PIP5K1B: variants seen among roughly 807,000 people sequenced by gnomAD.
PIP5K1B encodes the protein phosphatidylinositol 4-phosphate 5-kinase type-1 beta.
In PIP5K1B, 42 loss-of-function variants were observed where a neutral mutation model predicts 67.0. The ratio of observed to expected loss-of-function variants is 0.63; its 90% CI spans 0.49 to 0.81. The LOEUF (loss-of-function observed/expected upper bound fraction) is 0.81. Among genes scored for constraint, PIP5K1B ranks in the 30% least tolerant of loss-of-function variants. The pLI is 0.00. For missense variants in PIP5K1B, 459 were observed against 646.3 expected, an observed-to-expected ratio of 0.71 and a Z score of 3.14; for synonymous variants, 214 against 231.4, an observed-to-expected ratio of 0.92 and a Z score of 0.68.
intron 9 of PIP5K1B, among the ~76,000 whole-genome samples, chr9:68,919,080 A>G (rs1826241289): frequency 6.6e-6 from 1 of 152,192 alleles, no homozygotes; most frequent in Admixed American, 6.5e-5. Flanking sequence ...TTTATTTTTA[A>G]AAGTAAACAT....
At chr9:68,947,413 TC>T (rs1226290857) in intron 14 of PIP5K1B, among the ~76,000 whole-genome samples, 1 of 152,178 alleles carries the variant, frequency 6.6e-6, no homozygotes, top group Non-Finnish European at 1.5e-5. Flanking sequence ...GCAGCTTCTG[TC>T]CTCCTGCCAC....
intron 2 of PIP5K1B, among the ~76,000 whole-genome samples, chr9:68,749,974 C>A (rs982234745): frequency 6.6e-6 from 1 of 152,240 alleles, no homozygotes; most frequent in African/African-American, 2.4e-5. Context: ...GTTAGGCACC[C>A]TCTCTGAGCC....
At chr9:68,943,635 G>C (rs919654572) in intron 14 of PIP5K1B, among the ~76,000 whole-genome samples, 30 of 151,276 alleles carry the variant, frequency 2.0e-4, no homozygotes, top group Non-Finnish European at 4.1e-4. Flanking sequence ...AATCCAGAGA[G>C]CCTGGAAAGA....
At chr9:68,839,403 T>A (rs1030384446) in intron 4 of PIP5K1B, among the ~76,000 whole-genome samples, 2 of 152,078 alleles carry the variant, frequency 1.3e-5, no homozygotes, top group African/African-American at 4.8e-5. Flanking sequence ...GAGAAGAAGG[T>A]AAAGAGTGGG....
chr9:68,801,345 A>G (rs2131981918), intron 2 of PIP5K1B, among the ~76,000 whole-genome samples: 1 of 152,328 alleles, frequency 6.6e-6, no homozygotes, highest in South Asian at 2.1e-4. Context: ...TGGATTGCTA[A>G]TAATCACAAC....
At chr9:68,896,610 A>T (rs1825097242) in intron 8 of PIP5K1B, among the ~76,000 whole-genome samples, 1 of 152,210 alleles carries the variant, frequency 6.6e-6, no homozygotes, top group African/African-American at 2.4e-5. Context: ...GATCCTGGAC[A>T]TTCTTCAAAA....
rs1192768047 is a variant in PIP5K1B, at chr9:68,851,424, T to C, written c.70-12413T>C. 2.0e-5 allele frequency among the ~76,000 whole-genome samples: 3 copies of C among 152,236 alleles called. No homozygotes were observed. The East Asian group carries it at 5.8e-4, about 29-fold the overall frequency. On this transcript the variant is annotated intron_variant, in intron 4 of 15. Coordinates refer to ENST00000265382, the MANE Select transcript of PIP5K1B (RefSeq NM_003558.4). ...CGTGCCAGCCTAGGGAAGGCCATCA[T>C]TTAATGGAACTCCAGTATTCTTATT...
intron 12 of PIP5K1B, 76 bp from the exon 13 acceptor site, chr9:68,934,814 A>C: frequency 9.9e-7 from 1 of 1,007,556 alleles, no homozygotes; most frequent in Non-Finnish European, 1.4e-6. Context: ...TAAATAATAA[A>C]ATATTCACTT....
At chr9:68,763,552 G>T (rs888085785) in intron 2 of PIP5K1B, among the ~76,000 whole-genome samples, 21 of 152,050 alleles carry the variant, frequency 1.4e-4, no homozygotes, top group Non-Finnish European at 2.8e-4. Context: ...CAGATTCTGT[G>T]CTAAGGAGTT....
At chr9:68,905,416 T>G (rs553067371) in intron 8 of PIP5K1B, among the ~76,000 whole-genome samples, 15 of 150,834 alleles carry the variant, frequency 9.9e-5, no homozygotes, top group Admixed American at 3.3e-4. Flanking sequence ...AGGGCAGAGT[T>G]GCCAACAGCC....
rs551054460 is a variant in PIP5K1B at position 68,918,095 on chromosome 9, A to ATTT, written c.983+346_983+348dup. On this transcript the variant is annotated intron_variant, in intron 9 of 15. Transcript: ENST00000265382. The stretch of plus-strand genomic sequence containing the variant: ...AACATGTTTTATTGTTTATTTATTT[A>ATTT]TTTTTTTTTTTTGAGACAGAGTCTC... Among the ~76,000 whole-genome samples the ATTT allele has an allele frequency of 1.7e-3, 243 of 143,152 alleles. 2 individuals carry two copies. Among genetic ancestry groups the ATTT allele is most frequent in the Non-Finnish European group, 1.9e-3 (128 of 66,728 alleles). 93.9% of individuals were successfully genotyped at this position (143,152 alleles called of 152,430 possible). A position where few individuals can be genotyped will look rare whatever the true frequency, so the allele number is the denominator to read the frequency against.
chr9:68,839,530 A>G (rs573023033), intron 4 of PIP5K1B, among the ~76,000 whole-genome samples: 2 of 152,280 alleles, frequency 1.3e-5, no homozygotes, highest in South Asian at 2.1e-4. Context: ...TAGGAACTCA[A>G]ATGACTCTAT....
chr9:68,787,541 G>A (rs1831695361), intron 2 of PIP5K1B, among the ~76,000 whole-genome samples: 1 of 152,022 alleles, frequency 6.6e-6, no homozygotes, highest in Admixed American at 6.6e-5. Flanking sequence ...CTTTAATTCT[G>A]TTTCCTCCTC....
intron 2 of PIP5K1B, among the ~76,000 whole-genome samples, chr9:68,758,164 A>C (rs571614532): frequency 2.0e-5 from 3 of 152,330 alleles, no homozygotes; most frequent in Admixed American, 1.3e-4. Context: ...GTAGGATTGA[A>C]ACAAAACTCA....
At position 68,801,481 on chromosome 9, in the gene PIP5K1B, T is replaced by G. The variant is rs558997429; in HGVS notation, c.-85-16980T>G. Among the ~76,000 whole-genome samples, 17 of 152,284 alleles carry G rather than the reference T, an allele frequency of 1.1e-4. No individual in the cohort carries two copies. In the South Asian group the frequency reaches 3.5e-3, roughly 32 times the overall value. ...TGAGACATCCGCACAGTGGTGGGTG[T>G]TGAGGCACCCTGCCAGGTGGGAGAG... On this transcript the variant is annotated intron_variant, in intron 2 of 15. Coordinates refer to ENST00000265382, the MANE Select transcript of PIP5K1B (RefSeq NM_003558.4).
intron 1 of PIP5K1B, among the ~76,000 whole-genome samples, chr9:68,707,074 T>A (rs2132225754): frequency 6.6e-6 from 1 of 152,032 alleles, no homozygotes; most frequent in South Asian, 2.1e-4. Flanking sequence ...TGTAAACCAG[T>A]GGGAGGTTGA....
intron 1 of PIP5K1B, among the ~76,000 whole-genome samples, chr9:68,731,066 T>C (rs1389272475): frequency 6.6e-6 from 1 of 152,232 alleles, no homozygotes; most frequent in African/African-American, 2.4e-5. Context: ...AAGTTACCTT[T>C]AGCACATGCC....
At chr9:68,947,036 G>A (rs999772057) in intron 14 of PIP5K1B, among the ~76,000 whole-genome samples, 3 of 152,208 alleles carry the variant, frequency 2.0e-5, no homozygotes, top group Admixed American at 6.5e-5. Context: ...AGTGATTTGA[G>A]ACACTAATAC....
chr9:68,916,297 G>C (rs1826089074), intron 8 of PIP5K1B, among the ~76,000 whole-genome samples: 1 of 152,116 alleles, frequency 6.6e-6, no homozygotes, highest in Non-Finnish European at 1.5e-5. Flanking sequence ...CAGTTTGCAG[G>C]CATTCTTCCT....
Sources: gnomAD v4.1 joint callset for allele counts (sites outside exome capture counted in the v4.1 genomes callset) on GRCh38, gnomAD v4.1.1 for gene constraint, MANE v1.5 for transcripts, NCBI Gene and HGNC (gene_info 2026-07-23, HGNC 2026-07-21) for gene names.